Variants in DMD observed in about 807,000 individuals in gnomAD.
DMD encodes the protein mutant dystrophin.
Under a neutral mutation model 330.1 loss-of-function variants are expected in DMD, and 63 were observed. The ratio of observed to expected loss-of-function variants is 0.19; its 90% CI spans 0.16 to 0.24. The LOEUF is 0.24. Ranked by LOEUF, DMD falls within the 10% of genes least tolerant of loss-of-function variation. The pLI is 1.00. For missense variants in DMD, 3,344 were observed against 2,684.1 expected, an observed-to-expected ratio of 1.25 and a Z score of -5.43; for synonymous variants, 1,223 against 959.8, an observed-to-expected ratio of 1.27 and a Z score of -5.07.
chrX:31,127,457 T>G (rs1296546394), intron 77 of DMD, among the ~76,000 whole-genome samples: 2 of 112,776 alleles, frequency 1.8e-5, no homozygotes, highest in Non-Finnish European at 3.8e-5. Flanking sequence ...AAGTCATAAT[T>G]GGACAGAAAA....
intron 4 of DMD, among the ~76,000 whole-genome samples, chrX:32,830,396 C>A (rs899236238): frequency 3.6e-5 from 4 of 110,885 alleles, no homozygotes; most frequent in Non-Finnish European, 7.6e-5. Flanking sequence ...CTTTTAAAAT[C>A]TGTGTGAAGT....
chrX:31,450,284 T>A (rs778402610), intron 59 of DMD, among the ~76,000 whole-genome samples: 1 of 111,634 alleles, frequency 9.0e-6, no homozygotes, highest in Admixed American at 9.5e-5. Context: ...AGAATGCAAT[T>A]ACCCGGGAAT....
At chrX:32,083,785 AC>A (rs1329592361) in intron 44 of DMD, among the ~76,000 whole-genome samples, 1 of 111,996 alleles carries the variant, frequency 8.9e-6, no homozygotes, top group African/African-American at 3.2e-5. Flanking sequence ...TTCATTTACA[AC>A]TTCTGCCTGC....
At chrX:31,764,868 T>C (rs2089886057) in intron 51 of DMD, among the ~76,000 whole-genome samples, 1 of 111,958 alleles carries the variant, frequency 8.9e-6, no homozygotes, top group Admixed American at 9.5e-5. Context: ...ATTATGTCAC[T>C]TGTTTACACA....
intron 47 of DMD, among the ~76,000 whole-genome samples, chrX:31,914,367 A>C (rs1569510918): frequency 8.9e-6 from 1 of 112,265 alleles, no homozygotes; most frequent in East Asian, 2.8e-4. Flanking sequence ...ATGATCCAGC[A>C]ATCCCACTGC....
At chrX:32,159,531 A>C (rs2147244516) in intron 44 of DMD, among the ~76,000 whole-genome samples, 1 of 112,098 alleles carries the variant, frequency 8.9e-6, no homozygotes, top group African/African-American at 3.2e-5. Flanking sequence ...ATATTTGATA[A>C]GTTTTATGTC....
intron 21 of DMD, among the ~76,000 whole-genome samples, chrX:32,475,679 G>A (rs2041160746): frequency 9.0e-6 from 1 of 110,661 alleles, no homozygotes; most frequent in South Asian, 3.8e-4. Context: ...TTCTCTGCTT[G>A]GTCGTTGTTG....
chrX:31,452,945 C>T (rs1177642634), intron 59 of DMD, among the ~76,000 whole-genome samples: 1 of 111,306 alleles, frequency 9.0e-6, no homozygotes, highest in Admixed American at 9.5e-5. Flanking sequence ...AACCATACAC[C>T]CGGTAAGGGG....
chrX:32,884,074 T>C (rs925205632), intron 2 of DMD, among the ~76,000 whole-genome samples: 3 of 110,452 alleles, frequency 2.7e-5, no homozygotes, highest in African/African-American at 9.9e-5. Context: ...CAATGTTACT[T>C]AAACATGCCA....
At chrX:33,025,483 A>AC (rs58324497) in intron 1 of DMD, among the ~76,000 whole-genome samples, 2 of 111,173 alleles carry the variant, frequency 1.8e-5, no homozygotes, top group African/African-American at 6.6e-5. Context: ...AAAAAAAAAA[A>AC]CAGAAAAACA....
intron 20 of DMD, among the ~76,000 whole-genome samples, chrX:32,490,026 A>G (rs1433149162): frequency 8.9e-6 from 1 of 112,301 alleles, no homozygotes; most frequent in Non-Finnish European, 1.9e-5. Flanking sequence ...CAGGTCCGAT[A>G]TTTGAAGAAC....
intron 2 of DMD, among the ~76,000 whole-genome samples, chrX:32,850,203 A>G (rs752004685): frequency 9.0e-4 from 101 of 111,752 alleles, no homozygotes; most frequent in African/African-American, 3.2e-3. Flanking sequence ...GTGGGTACAT[A>G]AAGTTTAACC....
chrX:32,899,224 T>TA (rs1227340138), intron 2 of DMD, among the ~76,000 whole-genome samples: 4 of 112,488 alleles, frequency 3.6e-5, no homozygotes, highest in Non-Finnish European at 7.5e-5. Flanking sequence ...CGTATGCATT[T>TA]AGATCTTTGC....
chrX:32,388,071 T>G (rs1393115207), intron 32 of DMD, among the ~76,000 whole-genome samples: 2 of 111,631 alleles, frequency 1.8e-5, no homozygotes, highest in Non-Finnish European at 3.8e-5. Flanking sequence ...CTAAACAGTG[T>G]AAGGATATTC....
chrX:32,093,400 T>C (rs772840572), intron 44 of DMD, among the ~76,000 whole-genome samples: 1 of 112,187 alleles, frequency 8.9e-6, no homozygotes, highest in Admixed American at 9.5e-5. Context: ...GATCATCTGG[T>C]AGCAATTCAT....
At chrX:33,316,360 G>A (rs1183914192) in intron 1 of DMD, among the ~76,000 whole-genome samples, 1 of 111,157 alleles carries the variant, frequency 9.0e-6, no homozygotes, top group African/African-American at 3.3e-5. Context: ...GGGTTTAAAG[G>A]AAAGGCAGGA....
At chrX:32,406,523 G>GCC (rs2147866144) in intron 30 of DMD, among the ~76,000 whole-genome samples, 1 of 110,380 alleles carries the variant, frequency 9.1e-6, no homozygotes, top group South Asian at 3.9e-4. Context: ...TGTGGTATTT[G>GCC]TGATTGGTTC....
chrX:32,340,202 A>T (rs1039849726), intron 41 of DMD, among the ~76,000 whole-genome samples: 1 of 111,879 alleles, frequency 8.9e-6, no homozygotes, highest in Non-Finnish European at 1.9e-5. Context: ...GATGCCAAAT[A>T]TAACTGCAAT....
At chrX:32,598,656 C>T (rs1193282626) in intron 12 of DMD, among the ~76,000 whole-genome samples, 1 of 111,917 alleles carries the variant, frequency 8.9e-6, no homozygotes, top group Admixed American at 9.5e-5. Context: ...GAATCCAACT[C>T]TTATTGAGTC....
Sources: allele counts gnomAD v4.1 joint callset (sites outside exome capture counted in the v4.1 genomes callset), GRCh38; gene constraint gnomAD v4.1.1; transcripts MANE v1.5; gene names NCBI Gene and HGNC (gene_info 2026-07-23, HGNC 2026-07-21).